The following ALMS1 variants were observed in gnomAD, a reference collection of about 807,000 sequenced individuals.
ALMS1 encodes ALMS1 centrosome and basal body associated protein.
In ALMS1, 271 loss-of-function variants were observed where a neutral mutation model predicts 352.2. That is an observed-to-expected ratio of 0.77 (90% CI 0.70 to 0.85). The LOEUF (loss-of-function observed/expected upper bound fraction) is 0.85, where lower values mean the gene tolerates loss of function less well. ALMS1 is among the 40% of genes least tolerant of loss of function. The pLI is 0.00. For synonymous variants in ALMS1, 1,865 were observed against 1,761.2 expected (o/e 1.06, Z -1.48); for missense variants, 5,445 against 4,870.7 (o/e 1.12, Z -3.51).
At chr2:73,442,668 G>T (rs1471141955) in intron 7 of ALMS1, among the ~76,000 whole-genome samples, 1 of 152,154 alleles carries the variant, frequency 6.6e-6, no homozygotes, top group Non-Finnish European at 1.5e-5. Flanking sequence ...GGCTGCCTCA[G>T]CTTGTTTACA....
At chr2:73,555,169 C>T (rs1219419359) in intron 13 of ALMS1, among the ~76,000 whole-genome samples, 2 of 152,028 alleles carry the variant, frequency 1.3e-5, no homozygotes, top group South Asian at 2.1e-4. Context: ...AATCAAAAAA[C>T]GTATATTTAA....
chr2:73,433,069 G>A (rs1671543758), intron 7 of ALMS1, among the ~76,000 whole-genome samples: 1 of 152,208 alleles, frequency 6.6e-6, no homozygotes, highest in Non-Finnish European at 1.5e-5. Flanking sequence ...AGGCATTGAG[G>A]AGAGTGGTTT....
intron 11 of ALMS1, among the ~76,000 whole-genome samples, chr2:73,529,774 G>A (rs946388763): frequency 5.3e-5 from 8 of 152,282 alleles, no homozygotes; most frequent in Admixed American, 2.6e-4. Flanking sequence ...GAGTTCAATT[G>A]ACTCAGTTCT....
intron 1 of ALMS1, among the ~76,000 whole-genome samples, chr2:73,386,699 A>T (rs1574424532): frequency 6.6e-6 from 1 of 152,090 alleles, no homozygotes; most frequent in African/African-American, 2.4e-5. Flanking sequence ...ATTTGTAGCA[A>T]TAAAGGGGTT....
Position 73,474,597 on chromosome 2 carries a change from C to G in ALMS1, c.7675-15037C>G, listed in dbSNP as rs375779014. ...TCAAGCTATCCTTCCACCTCAGTCT[C>G]TCAAAGTGCTGGTATTACAGGCTTA... On this transcript the variant is annotated intron_variant, in intron 9 of 22. Coordinates refer to ENST00000613296, the MANE Select transcript of ALMS1 (RefSeq NM_001378454.1). Among the ~76,000 whole-genome samples, 64 of 152,164 alleles carry G rather than the reference C, an allele frequency of 4.2e-4. 1 individual carries two copies. The East Asian group carries it at 8.3e-3, about 20-fold the overall frequency.
At chr2:73,459,608 C>T (rs1672144511) in intron 9 of ALMS1, 1 of 152,112 alleles carries the variant, frequency 6.6e-6, no homozygotes, top group Non-Finnish European at 1.5e-5. Context: ...CACAACCTAT[C>T]ACTATCATTG....
At chr2:73,431,384 T>C (rs569224126) in intron 6 of ALMS1, among the ~76,000 whole-genome samples, 3 of 152,206 alleles carry the variant, frequency 2.0e-5, no homozygotes, top group African/African-American at 4.8e-5. Context: ...CTTATGTACA[T>C]TTTTAGACTT....
chr2:73,401,824 G>T (rs998881063), intron 1 of ALMS1, among the ~76,000 whole-genome samples: 1 of 151,964 alleles, frequency 6.6e-6, no homozygotes. Flanking sequence ...TGAATCCTCT[G>T]ACCTGCATCT....
chr2:73,507,705 T>C (rs1284795390), intron 10 of ALMS1, among the ~76,000 whole-genome samples: 1 of 152,226 alleles, frequency 6.6e-6, no homozygotes, highest in Non-Finnish European at 1.5e-5. Context: ...ATCTATTTTG[T>C]TAATCTTTTC....
At position 73,455,181 on chromosome 2, in the gene ALMS1, T is replaced by A; in HGVS notation, c.7560T>A (p.Asn2520Lys). The change falls in exon 9 of 23, where the codon AAT (asparagine) becomes AAA (lysine). Residue 2520 changes from asparagine (N) to lysine (K), a missense_variant. Physicochemically the swap from Asn to Lys is moderately conservative, Grantham distance 94. Coordinates refer to ENST00000613296, the MANE Select transcript of ALMS1 (RefSeq NM_001378454.1). ...CTCCAGCCTGGAATATGAAGTTCAATTTAGCACATGATTGTGGATACTCCA... is the reference window on the plus strand; with the variant it reads ...CTCCAGCCTGGAATATGAAGTTCAAATTAGCACATGATTGTGGATACTCCA... ...VRAHAWNMKF[N>K]LAHDCGYSIS... 6.2e-7 allele frequency: 1 copy of A among 1,613,250 alleles called. No individual in the cohort carries two copies. The highest frequency in any genetic ancestry group is 1.3e-5 in the African/African-American group (1 of 75,044).
chr2:73,597,769 C>T lies in ALMS1; in HGVS notation c.11548-1632C>T, dbSNP rs78982614. ...TGAAACTGGCCTAGCTGTTTGGAAT[C>T]CTGACACAGAGCTTTTTTTTTTTTT... On this transcript the variant is annotated intron_variant, in intron 16 of 22. Coordinates refer to ENST00000613296, the MANE Select transcript of ALMS1 (RefSeq NM_001378454.1). 5.0e-3 allele frequency among the ~76,000 whole-genome samples: 761 copies of T among 152,020 alleles called. 7 individuals carry two copies. The highest frequency in any genetic ancestry group is 0.018 in the African/African-American group (733 of 41,490).
At position 73,537,918 on chromosome 2, in the gene ALMS1, A is replaced by G. The variant is rs1374915006; in HGVS notation, c.9907+2969A>G. ...CTACTCGGAAGGCTGAGGCATGAGT[A>G]TCACTTGAACCCTCGAGTTTAAGGC... On this transcript the variant is annotated intron_variant, in intron 12 of 22. Coordinates refer to ENST00000613296, the MANE Select transcript of ALMS1 (RefSeq NM_001378454.1). 3.3e-5 allele frequency among the ~76,000 whole-genome samples: 5 copies of G among 152,158 alleles called. 1 individual carries two copies. In the South Asian group the frequency reaches 1.0e-3, roughly 32 times the overall value.
chr2:73,600,121 TAAAAG>T (rs1196922861), intron 17 of ALMS1, among the ~76,000 whole-genome samples: 2 of 152,208 alleles, frequency 1.3e-5, no homozygotes, highest in Admixed American at 6.5e-5. Context: ...TTTTTTTTAA[TAAAAG>T]AAAGAAAGGA....
chr2:73,531,154 T>C (rs1214542256), intron 11 of ALMS1, among the ~76,000 whole-genome samples: 1 of 152,246 alleles, frequency 6.6e-6, no homozygotes, highest in African/African-American at 2.4e-5. Flanking sequence ...TTCTACTGCA[T>C]AGTCAGGCTG....
rs188644696 is a variant in ALMS1, at chr2:73,602,066, C to T, written c.12115-119C>T. ...GATTCTTCAACGCTAGATACTTTCT[C>T]GGCATTTGAATCAGACTTCCCCAAA... On this transcript the variant is annotated intron_variant, in intron 19 of 22. Coordinates refer to ENST00000613296, the MANE Select transcript of ALMS1 (RefSeq NM_001378454.1). 4.1e-4 allele frequency: 429 copies of T among 1,043,290 alleles called. 1 individual carries two copies. In the African/African-American group the frequency reaches 4.9e-3, roughly 12 times the overall value. The allele number at this position is 1,043,290 out of a possible 1,614,324, so 64.6% of individuals were successfully genotyped here.
chr2:73,406,034 T>A (rs558678723), intron 1 of ALMS1, among the ~76,000 whole-genome samples: 4 of 152,282 alleles, frequency 2.6e-5, no homozygotes, highest in Admixed American at 2.6e-4. Flanking sequence ...GTATGTTAGG[T>A]CCAATTGGTC....
chr2:73,520,635 G>A (rs567604616), intron 11 of ALMS1, among the ~76,000 whole-genome samples: 3 of 152,182 alleles, frequency 2.0e-5, no homozygotes, highest in Admixed American at 1.3e-4. Flanking sequence ...GTCAGGTCTG[G>A]AAGTAACCCA....
chr2:73,572,521 C>G lies in ALMS1; in HGVS notation c.10644C>G (p.Leu3548=), dbSNP rs1180701508. 3.1e-6 allele frequency: 5 copies of G among 1,613,694 alleles called. No individual in the cohort carries two copies. The highest frequency in any genetic ancestry group is 4.2e-6 in the Non-Finnish European group (5 of 1,179,952). ...TKTDYTRIKS[L]SINVNLGNKE... The stretch of plus-strand genomic sequence containing the variant: ...CAGATTATACCAGAATAAAGAGCCT[C>G]AGCATCAATGTGAATTTGGGAAACA... The change falls in exon 16 of 23, where the codon CTC becomes CTG. Residue 3548 remains leucine (L), a synonymous_variant. Coordinates refer to ENST00000613296, the MANE Select transcript of ALMS1 (RefSeq NM_001378454.1).
chr2:73,570,723 C>T (rs2104099600), intron 15 of ALMS1, among the ~76,000 whole-genome samples: 1 of 152,250 alleles, frequency 6.6e-6, no homozygotes, highest in African/African-American at 2.4e-5. Flanking sequence ...TCCAGAGCAG[C>T]ATTGGAGGAA....
Sources: gnomAD v4.1 joint callset for allele counts (sites outside exome capture counted in the v4.1 genomes callset) on GRCh38, gnomAD v4.1.1 for gene constraint, MANE v1.5 for transcripts, NCBI Gene and HGNC (gene_info 2026-07-23, HGNC 2026-07-21) for gene names.